Variants in C4orf51 observed in about 807,000 individuals in gnomAD.
C4orf51 encodes chromosome 4 open reading frame 51.
A neutral mutation model predicts 25.2 loss-of-function variants in C4orf51; 25 were observed. The ratio of observed to expected loss-of-function variants is 0.99; its 90% CI spans 0.72 to 1.39. C4orf51 has a LOEUF of 1.39. Ranked by LOEUF, C4orf51 falls within the 40% of genes most tolerant of loss-of-function variation. The pLI is 0.00. For synonymous variants in C4orf51, 100 were observed against 84.5 expected (o/e 1.18, Z -1.01); for missense variants, 252 against 239.6 (o/e 1.05, Z -0.34).
chr4:145,702,457 G>C (rs1434312969), intron 2 of C4orf51, among the ~76,000 whole-genome samples: 3 of 152,062 alleles, frequency 2.0e-5, no homozygotes, highest in Non-Finnish European at 2.9e-5. Context: ...CTGCCGCAAG[G>C]CTTCACAGAC....
Position 145,738,047 on chromosome 4 carries a change from G to T in C4orf51, n.167+5428G>T, listed in dbSNP as rs1732894463. 2.0e-5 allele frequency among the ~76,000 whole-genome samples: 3 copies of T among 151,988 alleles called. 1 individual carries two copies. In the South Asian group the frequency reaches 6.2e-4, roughly 32 times the overall value. On this transcript the variant is annotated intron_variant and non_coding_transcript_variant, in intron 1 of 1. Transcript: ENST00000508981. ...TTTTAAGGGGTTATAGAGAGAGCAA[G>T]AGAGTAAGGCTTGGAGAGATTCATT... is the stretch of plus-strand genomic sequence containing the variant.
downstream of C4orf51, among the ~76,000 whole-genome samples, chr4:145,756,952 C>T (rs941252651): frequency 1.4e-4 from 21 of 152,186 alleles, no homozygotes; most frequent in African/African-American, 4.8e-4. Context: ...TATTTATAAG[C>T]ATGCAAATTA....
chr4:145,721,344 C>CAAA, intron 2 of C4orf51, among the ~76,000 whole-genome samples: 1 of 107,370 alleles, frequency 9.3e-6, no homozygotes, highest in Admixed American at 9.7e-5. Context: ...GACTCTGTCT[C>CAAA]AAAAAAAAAA....
intron 2 of C4orf51, among the ~76,000 whole-genome samples, chr4:145,708,838 AG>A (rs1428614464): frequency 6.6e-6 from 1 of 152,188 alleles, no homozygotes; most frequent in Non-Finnish European, 1.5e-5. Context: ...GGAGCATTTT[AG>A]CAACAAAATC....
chr4:145,699,466 G>A (rs112678547), intron 2 of C4orf51, among the ~76,000 whole-genome samples: 4 of 151,774 alleles, frequency 2.6e-5, no homozygotes, highest in African/African-American at 4.8e-5. Flanking sequence ...CTCACTATCC[G>A]TCAACCTCTT....
At chr4:145,702,819 C>G (rs1192841662) in intron 2 of C4orf51, among the ~76,000 whole-genome samples, 1 of 151,992 alleles carries the variant, frequency 6.6e-6, no homozygotes, top group Non-Finnish European at 1.5e-5. Context: ...CATCACCAAT[C>G]ATTCTATATG....
the C4orf51 span, among the ~76,000 whole-genome samples, chr4:145,791,840 C>A: frequency 6.6e-6 from 1 of 152,140 alleles, no homozygotes; most frequent in Non-Finnish European, 1.5e-5. Context: ...ATAGATGAGA[C>A]AAATCAAGGC....
chr4:145,717,299 G>A lies in C4orf51; in HGVS notation c.308-9612G>A, dbSNP rs553361694. Reference sequence around the variant, plus strand: ...TATTATAGTAAAGCACTGGGAGGACGAAAGGTAGAAATGGAATCAGTGAAT... The same window carrying A: ...TATTATAGTAAAGCACTGGGAGGACAAAAGGTAGAAATGGAATCAGTGAAT... On this transcript the variant is annotated intron_variant, in intron 2 of 5. Transcript: ENST00000438731. Among the ~76,000 whole-genome samples, 8 of 152,296 alleles carry A rather than the reference G, an allele frequency of 5.3e-5. No homozygotes were observed. The South Asian group carries it at 8.3e-4, about 16-fold the overall frequency.
chr4:145,764,370 G>A (rs898397392), intron 1 of C4orf51, among the ~76,000 whole-genome samples: 5 of 152,170 alleles, frequency 3.3e-5, no homozygotes, highest in Admixed American at 2.0e-4. Context: ...CACACAGTAC[G>A]TTTGATATTA....
intron 2 of C4orf51, among the ~76,000 whole-genome samples, chr4:145,701,765 A>G (rs1247058606): frequency 6.6e-6 from 1 of 151,312 alleles, no homozygotes; most frequent in Non-Finnish European, 1.5e-5. Flanking sequence ...AACCTCTAAA[A>G]ACTCCCCAAC....
At chr4:145,766,413 G>A (rs1735299751) in intron 1 of C4orf51, among the ~76,000 whole-genome samples, 1 of 152,198 alleles carries the variant, frequency 6.6e-6, no homozygotes, top group African/African-American at 2.4e-5. Flanking sequence ...CTGGATGTTA[G>A]GCAATGAAGA....
intron 2 of C4orf51, among the ~76,000 whole-genome samples, chr4:145,723,507 C>T (rs944491539): frequency 1.3e-5 from 2 of 151,886 alleles, no homozygotes; most frequent in African/African-American, 4.8e-5. Flanking sequence ...TGGAGGTATA[C>T]TTCCAAACTT....
chr4:145,716,669 A>G (rs116674442), intron 2 of C4orf51, among the ~76,000 whole-genome samples: 3,030 of 152,310 alleles, frequency 0.02, 57 homozygotes, highest in Non-Finnish European at 0.03. Flanking sequence ...GGATGTGTCT[A>G]TGTGTGTGGT....
intron 2 of C4orf51, among the ~76,000 whole-genome samples, chr4:145,719,610 C>CAAAA (rs1560844426): frequency 3.6e-5 from 5 of 140,366 alleles, no homozygotes; most frequent in Non-Finnish European, 6.2e-5. Flanking sequence ...AAAAAAAAAG[C>CAAAA]AGCATCCTTT....
At chr4:145,781,218 G>GA in the C4orf51 span, among the ~76,000 whole-genome samples, 102 of 70,754 alleles carry the variant, frequency 1.4e-3, no homozygotes, top group Non-Finnish European at 1.9e-3. Context: ...AAAAAAAAAA[G>GA]AAAAAAAAAG....
At chr4:145,744,574 C>A (rs1237749810) in intron 1 of C4orf51, among the ~76,000 whole-genome samples, 3 of 152,096 alleles carry the variant, frequency 2.0e-5, no homozygotes, top group African/African-American at 7.2e-5. Flanking sequence ...CTAATCCCAG[C>A]ACTTTGGGAG....
chr4:145,726,980 C>G lies in C4orf51; in HGVS notation c.366+11C>G, dbSNP rs747348970. ...GTCAAGCATGGAGTGGTAAGCCCAA[C>G]ATTTCTCAGCAATCTCTTACCTGTA... On this transcript the variant is annotated intron_variant, in intron 3 of 5. Transcript: ENST00000438731. 1 of 1,605,790 alleles carries G rather than the reference C, an allele frequency of 6.2e-7. No individual in the cohort carries two copies. The highest frequency in any genetic ancestry group is 8.5e-7 in the Non-Finnish European group (1 of 1,172,604).
At chr4:145,772,521 TATAA>T (rs1422837046), downstream of C4orf51, among the ~76,000 whole-genome samples, 6 of 152,204 alleles carry the variant, frequency 3.9e-5, no homozygotes, top group Admixed American at 3.9e-4. Context: ...CTCCTGTTTT[TATAA>T]ATAAAGTTTT....
intron 1 of C4orf51, among the ~76,000 whole-genome samples, chr4:145,694,758 A>C (rs1289106884): frequency 6.6e-6 from 1 of 151,248 alleles, no homozygotes; most frequent in Non-Finnish European, 1.5e-5. Flanking sequence ...CCAAGTTTTT[A>C]GTTTTTTCAG....
Sources: allele counts gnomAD v4.1 joint callset (sites outside exome capture counted in the v4.1 genomes callset), GRCh38; gene constraint gnomAD v4.1.1; transcripts MANE v1.5; gene names NCBI Gene and HGNC (gene_info 2026-07-23, HGNC 2026-07-21).